AHCYL2: variants seen among roughly 807,000 people sequenced by gnomAD.
AHCYL2 encodes the protein S-adenosylhomocysteine hydrolase-like protein 2.
In AHCYL2, 28 loss-of-function variants were observed where a neutral mutation model predicts 81.4. The observed-to-expected ratio is 0.34, with a 90% CI of 0.25 to 0.47. The LOEUF (loss-of-function observed/expected upper bound fraction) is 0.47, where lower values mean the gene tolerates loss of function less well. Ranked by LOEUF, AHCYL2 falls within the 20% of genes least tolerant of loss-of-function variation. The pLI is 1.00. For missense variants in AHCYL2, 551 were observed against 785.1 expected (o/e 0.70, Z 3.56); for synonymous variants, 272 against 290.2 (o/e 0.94, Z 0.64).
chr7:129,339,940 A>G (rs1217835357), intron 1 of AHCYL2, among the ~76,000 whole-genome samples: 2 of 88,714 alleles, frequency 2.3e-5, no homozygotes, highest in African/African-American at 9.5e-5. Flanking sequence ...TTTTTTTGAG[A>G]CGGAGTCTCG....
At chr7:129,315,267 A>G (rs1797792888) in intron 1 of AHCYL2, among the ~76,000 whole-genome samples, 1 of 152,098 alleles carries the variant, frequency 6.6e-6, no homozygotes, top group African/African-American at 2.4e-5. Flanking sequence ...ACGTCTGCTC[A>G]TTGCTTGCAT....
At chr7:129,370,557 G>T (rs1324899083) in intron 1 of AHCYL2, among the ~76,000 whole-genome samples, 1 of 152,180 alleles carries the variant, frequency 6.6e-6, no homozygotes, top group Non-Finnish European at 1.5e-5. Flanking sequence ...AATTAGCCGG[G>T]CGTGGTGGCG....
chr7:129,324,952 T>C (rs1416349787), intron 1 of AHCYL2, among the ~76,000 whole-genome samples: 1 of 152,256 alleles, frequency 6.6e-6, no homozygotes, highest in Non-Finnish European at 1.5e-5. Context: ...GTCAATCTTA[T>C]GATAGTGTAC....
intron 1 of AHCYL2, among the ~76,000 whole-genome samples, chr7:129,308,329 A>G (rs537643909): frequency 6.6e-6 from 1 of 152,252 alleles, no homozygotes; most frequent in East Asian, 1.9e-4. Context: ...CTCTGTGGGT[A>G]CCTGCTGAGT....
Position 129,422,920 on chromosome 7 carries a change from G to A in AHCYL2, c.1542G>A (p.Arg514=), listed in dbSNP as rs147946327. 1.2e-6 allele frequency: 2 copies of A among 1,614,082 alleles called. No individual in the cohort carries two copies. Among genetic ancestry groups the A allele is most frequent in the Middle Eastern group, 1.6e-4 (1 of 6,062 alleles). ...ATGTGATATGGCCTGATGGCAAGAG[G>A]ATAGTACTGCTGGCAGAGGTAAGGC... ...VDHVIWPDGK[R]IVLLAEGRLL... Residue 514 remains arginine, a synonymous_variant, in exon 13 of 17, where the codon AGG becomes AGA. Coordinates refer to ENST00000325006, the MANE Select transcript of AHCYL2 (RefSeq NM_015328.4).
intron 2 of AHCYL2, chr7:129,388,833 A>G (rs1046502244): frequency 2.1e-6 from 1 of 465,274 alleles, no homozygotes; most frequent in Admixed American, 3.9e-5. Context: ...TCTGAAGATA[A>G]AGTTAGCCCT....
intron 1 of AHCYL2, among the ~76,000 whole-genome samples, chr7:129,281,560 G>C (rs945637549): frequency 7.2e-6 from 1 of 138,494 alleles, no homozygotes; most frequent in Non-Finnish European, 1.5e-5. Flanking sequence ...GCAATGGCGT[G>C]ATCTCGGCTC....
At chr7:129,236,507 AT>A (rs1794649645) in intron 1 of AHCYL2, among the ~76,000 whole-genome samples, 1 of 151,534 alleles carries the variant, frequency 6.6e-6, no homozygotes, top group East Asian at 1.9e-4. Flanking sequence ...GGCCCAGCTA[AT>A]TTCTGTGTTT....
intron 1 of AHCYL2, among the ~76,000 whole-genome samples, chr7:129,226,912 G>A (rs1456236388): frequency 5.9e-5 from 1 of 16,826 alleles, no homozygotes; most frequent in African/African-American, 6.5e-5. Flanking sequence ...GACTTGTTGA[G>A]ATACTTTGTA....
chr7:129,269,580 CCGGTT>C (rs766748221), intron 1 of AHCYL2, among the ~76,000 whole-genome samples: 1,960 of 62,192 alleles, frequency 0.032, 28 homozygotes, highest in Non-Finnish European at 0.037. Flanking sequence ...AGCCACTGTG[CCGGTT>C]TTGTTTTGTT....
At chr7:129,252,404 A>G (rs1795275150) in intron 1 of AHCYL2, among the ~76,000 whole-genome samples, 1 of 151,948 alleles carries the variant, frequency 6.6e-6, no homozygotes, top group Non-Finnish European at 1.5e-5. Flanking sequence ...ACCAGCTAAT[A>G]CTCCTTTGGC....
chr7:129,339,600 T>G (rs571138742), intron 1 of AHCYL2, among the ~76,000 whole-genome samples: 1 of 152,312 alleles, frequency 6.6e-6, no homozygotes, highest in South Asian at 2.1e-4. Flanking sequence ...TTGCCCAGGC[T>G]GGCTCATCGC....
chr7:129,336,071 CTT>C (rs11373631), intron 1 of AHCYL2, among the ~76,000 whole-genome samples: 174 of 118,408 alleles, frequency 1.5e-3, no homozygotes, highest in African/African-American at 5.7e-3. Context: ...CTTTTCTTTC[CTT>C]TTTTTTTTTT....
At chr7:129,300,767 G>T (rs970136841) in intron 1 of AHCYL2, among the ~76,000 whole-genome samples, 18 of 152,084 alleles carry the variant, frequency 1.2e-4, no homozygotes, top group African/African-American at 4.1e-4. Flanking sequence ...CCATATCCTT[G>T]CCAGCATTTG....
chr7:129,281,489 A>ATTTTTTTTTT (rs34422629), intron 1 of AHCYL2, among the ~76,000 whole-genome samples: 2 of 74,168 alleles, frequency 2.7e-5, no homozygotes, highest in Admixed American at 1.6e-4. Flanking sequence ...CTGTTTCTAG[A>ATTTTTTTTTT]TTTTTTTTTT....
intron 1 of AHCYL2, among the ~76,000 whole-genome samples, chr7:129,254,813 C>T (rs1795355975): frequency 6.6e-6 from 1 of 152,068 alleles, no homozygotes; most frequent in South Asian, 2.1e-4. Flanking sequence ...GAGGGTAGGT[C>T]ACAGGCTGTG....
chr7:129,275,999 A>G (rs1027707547), intron 1 of AHCYL2, among the ~76,000 whole-genome samples: 2 of 152,196 alleles, frequency 1.3e-5, no homozygotes, highest in African/African-American at 4.8e-5. Flanking sequence ...TCAAGTCTCA[A>G]CAAAACCAAT....
rs1472080214 is a variant in AHCYL2 at position 129,429,493 on chromosome 7, T to A, written c.*2448T>A. Reference sequence around the variant, plus strand: ...CTGTGAGGATACATAACATTTTCTCTACAATGAATCTGTGCTAATATTTTG... The same window carrying A: ...CTGTGAGGATACATAACATTTTCTCAACAATGAATCTGTGCTAATATTTTG... On this transcript the variant is annotated 3_prime_UTR_variant, in exon 17 of 17. Coordinates refer to ENST00000325006, the MANE Select transcript of AHCYL2 (RefSeq NM_015328.4). The A allele has an allele frequency of 6.6e-6, 1 of 152,230 alleles. No homozygotes were observed. Among genetic ancestry groups the A allele is most frequent in the Non-Finnish European group, 1.5e-5 (1 of 68,040 alleles). 9.4% of individuals were successfully genotyped at this position (152,230 alleles called of 1,614,324 possible). A position where few individuals can be genotyped will look rare whatever the true frequency, so the allele number is the denominator to read the frequency against.
intron 1 of AHCYL2, among the ~76,000 whole-genome samples, chr7:129,305,816 G>T (rs1797420665): frequency 6.6e-6 from 1 of 152,094 alleles, no homozygotes; most frequent in South Asian, 2.1e-4. Flanking sequence ...TGTATGTCTG[G>T]GAAAGTCTTT....
Sources: allele counts gnomAD v4.1 joint callset (sites outside exome capture counted in the v4.1 genomes callset), GRCh38; gene constraint gnomAD v4.1.1; transcripts MANE v1.5; gene names NCBI Gene and HGNC (gene_info 2026-07-23, HGNC 2026-07-21).